GULP1: variants seen among roughly 807,000 people sequenced by gnomAD.
The protein encoded by GULP1 is PTB domain-containing engulfment adapter protein 1.
GULP1 carries 19 observed loss-of-function variants against 40.9 expected under a neutral mutation model. That is an observed-to-expected ratio of 0.46 (90% CI 0.32 to 0.68). The LOEUF (loss-of-function observed/expected upper bound fraction) is 0.68, where lower values mean the gene tolerates loss of function less well. Among genes scored for constraint, GULP1 ranks in the 30% least tolerant of loss-of-function variants. The probability of loss-of-function intolerance (pLI) is 0.03; values close to 1 mark genes in which losing one functional copy is unlikely to be tolerated. For synonymous variants in GULP1, 119 were observed against 117.6 expected (o/e 1.01, Z -0.08); for missense variants, 312 against 362.2 (o/e 0.86, Z 1.12).
intron 5 of GULP1, among the ~76,000 whole-genome samples, chr2:188,527,497 T>A (rs937000097): frequency 6.6e-6 from 1 of 152,060 alleles, no homozygotes; most frequent in Non-Finnish European, 1.5e-5. Flanking sequence ...ATAAACAAAA[T>A]TAATTCATAT....
At chr2:188,563,481 A>C (rs988547388) in intron 7 of GULP1, among the ~76,000 whole-genome samples, 11 of 150,358 alleles carry the variant, frequency 7.3e-5, no homozygotes, top group Admixed American at 2.0e-4. Context: ...ATAAAATTAC[A>C]TACAAATATT....
intron 2 of GULP1, among the ~76,000 whole-genome samples, chr2:188,468,088 A>G (rs986606721): frequency 6.6e-6 from 1 of 152,202 alleles, no homozygotes; most frequent in African/African-American, 2.4e-5. Flanking sequence ...GTATGACTGA[A>G]TCAAATTGTT....
At chr2:188,408,884 G>A (rs754108043) in intron 2 of GULP1, among the ~76,000 whole-genome samples, 2 of 152,104 alleles carry the variant, frequency 1.3e-5, no homozygotes, top group Non-Finnish European at 2.9e-5. Flanking sequence ...AAATAAATAT[G>A]TGGTAATTAA....
chr2:188,476,223 G>A (rs1243949665), intron 2 of GULP1, among the ~76,000 whole-genome samples: 2 of 152,028 alleles, frequency 1.3e-5, no homozygotes, highest in Non-Finnish European at 2.9e-5. Context: ...CACATACTTC[G>A]GAATAAAGAA....
At chr2:188,511,754 T>A (rs1180745143) in intron 4 of GULP1, among the ~76,000 whole-genome samples, 2 of 152,204 alleles carry the variant, frequency 1.3e-5, no homozygotes, top group African/African-American at 4.8e-5. Flanking sequence ...AAATACAATG[T>A]AATAAATAAT....
intron 2 of GULP1, among the ~76,000 whole-genome samples, chr2:188,400,501 G>A (rs750199307): frequency 6.6e-6 from 1 of 152,116 alleles, no homozygotes; most frequent in Non-Finnish European, 1.5e-5. Flanking sequence ...TGATGGTGAC[G>A]AGGCTAGTGT....
chr2:188,455,732 G>A lies in GULP1; in HGVS notation c.-44-21927G>A, dbSNP rs187996581. Among the ~76,000 whole-genome samples the A allele has an allele frequency of 5.3e-5, 8 of 152,326 alleles. No homozygotes were observed. In the South Asian group the frequency reaches 1.0e-3, roughly 20 times the overall value. ...TGAAAAGATAACTGAAAATGTGGAA[G>A]CGAATTTGGAACTGGGTAACAGGCA... On this transcript the variant is annotated intron_variant, in intron 2 of 11. Transcript: ENST00000409830.
chr2:188,389,917 G>C (rs896578058), intron 2 of GULP1, among the ~76,000 whole-genome samples: 1 of 151,308 alleles, frequency 6.6e-6, no homozygotes, highest in Admixed American at 6.6e-5. Flanking sequence ...TAATGGCCTT[G>C]AGCTCCATCC....
At chr2:188,376,813 T>C (rs1279834950) in intron 1 of GULP1, among the ~76,000 whole-genome samples, 1 of 152,200 alleles carries the variant, frequency 6.6e-6, no homozygotes, top group African/African-American at 2.4e-5. Flanking sequence ...CCTGATGATG[T>C]GCATTAAAAT....
At chr2:188,379,703 G>A (rs145087925) in intron 1 of GULP1, among the ~76,000 whole-genome samples, 2,735 of 152,214 alleles carry the variant, frequency 0.018, 40 homozygotes, top group Non-Finnish European at 0.03. Flanking sequence ...TGGCAGTCAG[G>A]AGCCTTCCTG....
chr2:188,326,797 C>A (rs2040824673), intron 1 of GULP1, among the ~76,000 whole-genome samples: 1 of 152,042 alleles, frequency 6.6e-6, no homozygotes, highest in Admixed American at 6.6e-5. Flanking sequence ...GGGCTGACAT[C>A]ATGTTTCATA....
chr2:188,480,923 T>C (rs927623043), intron 3 of GULP1, among the ~76,000 whole-genome samples: 1 of 152,052 alleles, frequency 6.6e-6, no homozygotes, highest in African/African-American at 2.4e-5. Context: ...CAAATGTATC[T>C]ATTCATTAAC....
At chr2:188,399,785 A>T (rs2051928679) in intron 2 of GULP1, among the ~76,000 whole-genome samples, 1 of 152,024 alleles carries the variant, frequency 6.6e-6, no homozygotes, top group South Asian at 2.1e-4. Context: ...TAGGTGAAAT[A>T]ATAATGTTGC....
intron 1 of GULP1, among the ~76,000 whole-genome samples, chr2:188,342,951 G>C (rs1213130977): frequency 1.3e-5 from 2 of 152,104 alleles, no homozygotes; most frequent in Non-Finnish European, 2.9e-5. Context: ...CAGTTACGTA[G>C]ACTGCTTCAT....
In GULP1 at chr2:188,373,988, T is replaced by C. The variant is rs190473660; in HGVS notation, c.-171-9775T>C. ...ATCTTCAAAAGAAGTGAAGATGTAA[T>C]TAATAGAATATCACAACCTAAATTT... On this transcript the variant is annotated intron_variant, in intron 1 of 11. Transcript: ENST00000409830. Among the ~76,000 whole-genome samples the C allele has an allele frequency of 4.2e-4, 64 of 152,170 alleles. No individual in the cohort carries two copies. The East Asian group carries it at 5.6e-3, about 13-fold the overall frequency.
chr2:188,547,778 T>G (rs1191328262), intron 7 of GULP1, among the ~76,000 whole-genome samples: 1 of 152,050 alleles, frequency 6.6e-6, no homozygotes, highest in Non-Finnish European at 1.5e-5. Context: ...TTAAAAGAAT[T>G]ATATGCAAAG....
At chr2:188,383,130 T>G (rs978324909) in intron 1 of GULP1, among the ~76,000 whole-genome samples, 1 of 152,312 alleles carries the variant, frequency 6.6e-6, no homozygotes, top group African/African-American at 2.4e-5. Context: ...TTTGAACTTA[T>G]GTCAGCGGTA....
intron 1 of GULP1, among the ~76,000 whole-genome samples, chr2:188,332,886 C>T (rs1259586510): frequency 6.6e-6 from 1 of 152,124 alleles, no homozygotes; most frequent in Admixed American, 6.5e-5. Flanking sequence ...TTTGCGGTAA[C>T]TTATATGCCA....
chr2:188,300,475 G>A (rs569940684), intron 1 of GULP1, among the ~76,000 whole-genome samples: 3 of 152,144 alleles, frequency 2.0e-5, no homozygotes, highest in South Asian at 4.1e-4. Context: ...ACTGATCATT[G>A]TTGATAAAAA....
Sources: gnomAD v4.1 joint callset for allele counts (sites outside exome capture counted in the v4.1 genomes callset) on GRCh38, gnomAD v4.1.1 for gene constraint, MANE v1.5 for transcripts, NCBI Gene and HGNC (gene_info 2026-07-23, HGNC 2026-07-21) for gene names.